Variants in TMEM132B observed in about 807,000 individuals in gnomAD.
TMEM132B encodes the protein transmembrane protein 132B.
TMEM132B carries 18 observed loss-of-function variants against 90.8 expected under a neutral mutation model. The ratio of observed to expected loss-of-function variants is 0.20; its 90% CI spans 0.14 to 0.29. The LOEUF (loss-of-function observed/expected upper bound fraction) is 0.29. TMEM132B is among the 10% of genes least tolerant of loss of function. The pLI, the probability that TMEM132B is intolerant of heterozygous loss-of-function variation, is 1.00. For synonymous variants in TMEM132B, 504 were observed against 523.3 expected, an observed-to-expected ratio of 0.96 and a Z score of 0.50; for missense variants, 1,096 against 1,326.8, an observed-to-expected ratio of 0.83 and a Z score of 2.70.
chr12:125,335,901 C>G (rs547092798), intron 1 of TMEM132B, among the ~76,000 whole-genome samples: 6 of 152,110 alleles, frequency 3.9e-5, no homozygotes, highest in Non-Finnish European at 8.8e-5. Flanking sequence ...GAAGGAGAAT[C>G]GCTTGAATCT....
At chr12:125,499,595 T>A (rs1236183691) in intron 3 of TMEM132B, among the ~76,000 whole-genome samples, 2 of 152,096 alleles carry the variant, frequency 1.3e-5, no homozygotes, top group Non-Finnish European at 2.9e-5. Context: ...AGCCTATAAG[T>A]GGACGCATGG....
chr12:125,515,172 A>G (rs1014653765), intron 3 of TMEM132B, among the ~76,000 whole-genome samples: 1 of 151,468 alleles, frequency 6.6e-6, no homozygotes, highest in Non-Finnish European at 1.5e-5. Flanking sequence ...ATTCTCTCCC[A>G]CACTCACACA....
intron 1 of TMEM132B, among the ~76,000 whole-genome samples, chr12:125,247,898 C>T (rs1874241251): frequency 6.6e-6 from 1 of 152,194 alleles, no homozygotes. Flanking sequence ...AATTAACTCA[C>T]TTTTCACTTA....
chr12:125,260,245 A>G, intron 1 of TMEM132B, among the ~76,000 whole-genome samples: 1 of 152,254 alleles, frequency 6.6e-6, no homozygotes, highest in Non-Finnish European at 1.5e-5. Context: ...AGTTTTGGCA[A>G]AATGAGTCTT....
At chr12:125,350,942 C>T (rs559600813) in intron 2 of TMEM132B, among the ~76,000 whole-genome samples, 7 of 152,228 alleles carry the variant, frequency 4.6e-5, no homozygotes, top group Admixed American at 3.9e-4. Context: ...ATAAGAGGTG[C>T]AAAAGTGATC....
Position 125,563,566 on chromosome 12 carries a change from AAAAC to A in TMEM132B, c.1294-20253_1294-20250del, listed in dbSNP as rs55666916. Among the ~76,000 whole-genome samples the A allele has an allele frequency of 5.2e-3, 753 of 145,684 alleles. 3 individuals carry two copies. The highest frequency in any genetic ancestry group is 9.8e-3 in the African/African-American group (379 of 38,688). ...GGCATCAGAGCGAGACTCTGTCTCAAAAACAAACAAACAAACAAACAAACAAACA... is the reference window on the plus strand; with the variant it reads ...GGCATCAGAGCGAGACTCTGTCTCAAAAACAAACAAACAAACAAACAAACA... On this transcript the variant is annotated intron_variant, in intron 4 of 8. Coordinates refer to ENST00000682704, the MANE Select transcript of TMEM132B (RefSeq NM_001366854.1).
chr12:125,224,197 C>G (rs1258271190), intron 1 of TMEM132B, among the ~76,000 whole-genome samples: 1 of 152,144 alleles, frequency 6.6e-6, no homozygotes, highest in African/African-American at 2.4e-5. Flanking sequence ...TGTTGATAGA[C>G]ATTTGGGTTC....
At chr12:125,357,518 A>G (rs946514466) in intron 2 of TMEM132B, among the ~76,000 whole-genome samples, 11 of 152,262 alleles carry the variant, frequency 7.2e-5, no homozygotes, top group Admixed American at 7.2e-4. Context: ...GGTACCATAA[A>G]TGGAAACCAA....
chr12:125,444,725 C>T (rs1039755279), intron 3 of TMEM132B, among the ~76,000 whole-genome samples: 1 of 152,162 alleles, frequency 6.6e-6, no homozygotes, highest in African/African-American at 2.4e-5. Flanking sequence ...AAACACTAAT[C>T]TAGGTGTTGC....
chr12:125,517,326 GATTTTTTTTTTTTT>G lies in TMEM132B; in HGVS notation c.1107-2112_1107-2099del, dbSNP rs1232018795. On this transcript the variant is annotated intron_variant, in intron 3 of 8. Coordinates refer to ENST00000682704, the MANE Select transcript of TMEM132B (RefSeq NM_001366854.1). ...CAGGCGCCCGCCACCATGCCCTGCTGATTTTTTTTTTTTTTTTTTTTTTTTTTTTTTTTTTTTTT... is the reference window on the plus strand; with the variant it reads ...CAGGCGCCCGCCACCATGCCCTGCTGTTTTTTTTTTTTTTTTTTTTTTTTT... Among the ~76,000 whole-genome samples, 167 of 88,016 alleles carry G rather than the reference GATTTTTTTTTTTTT, an allele frequency of 1.9e-3. 1 individual carries two copies. Among genetic ancestry groups the G allele is most frequent in the South Asian group, 4.0e-3 (10 of 2,526 alleles). The allele number at this position is 88,016 out of a possible 152,430, so 57.7% of individuals were successfully genotyped here.
intron 5 of TMEM132B, among the ~76,000 whole-genome samples, chr12:125,636,702 A>C (rs1886489502): frequency 6.6e-6 from 1 of 152,172 alleles, no homozygotes; most frequent in South Asian, 2.1e-4. Flanking sequence ...TTCTGTCTGA[A>C]GACTAAGACT....
In TMEM132B at chr12:125,349,763, T is replaced by C; in HGVS notation, c.379T>C (p.Ser127Pro). The C allele has an allele frequency of 6.2e-7, 1 of 1,614,206 alleles. No homozygotes were observed. Among genetic ancestry groups the C allele is most frequent in the Non-Finnish European group, 8.5e-7 (1 of 1,180,042 alleles). The change falls in exon 2 of 9, where the codon TCC (serine) becomes CCC (proline). Residue 127 changes from serine to proline, a missense_variant. Coordinates refer to ENST00000682704, the MANE Select transcript of TMEM132B (RefSeq NM_001366854.1). This position sits in a 1 kb window ranked among gnomAD's most constrained non-coding sequence, Gnocchi z 4.1. ...ATTTCCCTTCAACTGGAAATTGAAA[T>C]CCCACATCCTTGACAGCTCCATCTA... The part of the protein sequence containing the change: ...DKFPFNWKLK[S>P]HILDSSIYSN...
At chr12:125,509,923 A>G (rs1435254430) in intron 3 of TMEM132B, among the ~76,000 whole-genome samples, 3 of 152,196 alleles carry the variant, frequency 2.0e-5, no homozygotes, top group Non-Finnish European at 4.4e-5. Flanking sequence ...AGGAGACCTG[A>G]ATAGAAATGG....
intron 4 of TMEM132B, among the ~76,000 whole-genome samples, chr12:125,552,851 C>T (rs756331423): frequency 1.3e-5 from 2 of 152,238 alleles, no homozygotes; most frequent in Non-Finnish European, 2.9e-5. Flanking sequence ...ATAACAGACA[C>T]GTCCCTGCAC....
In TMEM132B at chr12:125,213,595, C is replaced by G. The variant is rs896159913; in HGVS notation, c.67+26729C>G. ...TCTCTGGCTTCTGATTCAGTGATGGCTTCTCCAGCCTAGACCTTCTCTATA... is the reference window on the plus strand; with the variant it reads ...TCTCTGGCTTCTGATTCAGTGATGGGTTCTCCAGCCTAGACCTTCTCTATA... On this transcript the variant is annotated intron_variant, in intron 1 of 8. Coordinates refer to ENST00000682704, the MANE Select transcript of TMEM132B (RefSeq NM_001366854.1). The surrounding 1 kb of genome is among the most constrained non-coding windows in gnomAD (Gnocchi z 4.2). 2.6e-5 allele frequency among the ~76,000 whole-genome samples: 4 copies of G among 152,224 alleles called. No homozygotes were observed. The highest frequency in any genetic ancestry group is 9.6e-5 in the African/African-American group (4 of 41,452).
At chr12:125,565,444 A>G (rs1464296615) in intron 4 of TMEM132B, among the ~76,000 whole-genome samples, 1 of 152,244 alleles carries the variant, frequency 6.6e-6, no homozygotes, top group Non-Finnish European at 1.5e-5. Flanking sequence ...TGTGCTCTTT[A>G]GCCTTGCCAT....
intron 1 of TMEM132B, among the ~76,000 whole-genome samples, chr12:125,341,512 T>A (rs1408123111): frequency 2.0e-5 from 3 of 152,210 alleles, no homozygotes; most frequent in Admixed American, 2.0e-4. Context: ...TTCATCTTTT[T>A]TGTTGTTTTA....
chr12:125,421,464 C>G (rs1880165211), intron 3 of TMEM132B, among the ~76,000 whole-genome samples: 1 of 152,200 alleles, frequency 6.6e-6, no homozygotes, highest in African/African-American at 2.4e-5. Flanking sequence ...TCTCATGAGA[C>G]TTATTCACTG....
At chr12:125,393,747 TG>T (rs1443447613) in intron 2 of TMEM132B, among the ~76,000 whole-genome samples, 1 of 152,200 alleles carries the variant, frequency 6.6e-6, no homozygotes, top group Non-Finnish European at 1.5e-5. Context: ...GTGATGGCCC[TG>T]GCCCAAGGAG....
Sources: allele counts gnomAD v4.1 joint callset (sites outside exome capture counted in the v4.1 genomes callset), GRCh38; gene constraint gnomAD v4.1.1; non-coding constraint Gnocchi (gnomAD v3.1); transcripts MANE v1.5; gene names NCBI Gene and HGNC (gene_info 2026-07-23, HGNC 2026-07-21).